Variants in TOX observed in about 807,000 individuals in gnomAD.
The protein encoded by TOX is thymocyte selection-associated high mobility group box protein TOX.
Under a neutral mutation model 53.7 loss-of-function variants are expected in TOX, and 11 were observed. The observed-to-expected ratio is 0.20, with a 90% CI of 0.13 to 0.34. TOX has a LOEUF of 0.34. Ranked by LOEUF, TOX falls within the 10% of genes least tolerant of loss-of-function variation. The probability of loss-of-function intolerance (pLI) is 1.00; values close to 1 mark genes in which losing one functional copy is unlikely to be tolerated. For synonymous variants in TOX, 225 were observed against 245.3 expected, an observed-to-expected ratio of 0.92 and a Z score of 0.77; for missense variants, 570 against 664.6, an observed-to-expected ratio of 0.86 and a Z score of 1.56.
intron 3 of TOX, among the ~76,000 whole-genome samples, chr8:58,909,844 G>T (rs1811881207): frequency 1.3e-5 from 2 of 152,074 alleles, no homozygotes; most frequent in Non-Finnish European, 2.9e-5. Context: ...TTTTGGTAGA[G>T]ACAGGGTTTG....
chr8:58,908,941 T>C (rs1355161737), intron 3 of TOX, among the ~76,000 whole-genome samples: 1 of 152,208 alleles, frequency 6.6e-6, no homozygotes, highest in Non-Finnish European at 1.5e-5. Flanking sequence ...TTTTCTCTTG[T>C]TTTAATCATT....
chr8:58,868,251 T>C (rs548129506), intron 3 of TOX, among the ~76,000 whole-genome samples: 257 of 152,324 alleles, frequency 1.7e-3, no homozygotes, highest in Non-Finnish European at 2.8e-3. Flanking sequence ...GTGAGTTCAT[T>C]AAACCTCTCT....
At chr8:59,065,979 C>T (rs549901601) in intron 1 of TOX, among the ~76,000 whole-genome samples, 17 of 152,296 alleles carry the variant, frequency 1.1e-4, no homozygotes, top group African/African-American at 4.1e-4. Context: ...ATTCTGAATG[C>T]TGAATTCCTC....
chr8:59,105,264 A>G (rs1315285796), intron 1 of TOX, among the ~76,000 whole-genome samples: 1 of 152,214 alleles, frequency 6.6e-6, no homozygotes, highest in Non-Finnish European at 1.5e-5. Context: ...CCGAAATAGG[A>G]ACTACTTTAA....
intron 5 of TOX, among the ~76,000 whole-genome samples, chr8:58,835,870 C>T (rs1810536885): frequency 6.6e-6 from 1 of 152,088 alleles, no homozygotes; most frequent in Non-Finnish European, 1.5e-5. Flanking sequence ...AAAGTAGACA[C>T]TAAAGAGGCA....
intron 1 of TOX, among the ~76,000 whole-genome samples, chr8:59,078,367 G>A (rs1804331573): frequency 6.6e-6 from 1 of 152,182 alleles, no homozygotes; most frequent in Non-Finnish European, 1.5e-5. Context: ...GAGGGTTTGG[G>A]TCATAGGTGC....
intron 3 of TOX, among the ~76,000 whole-genome samples, chr8:58,898,905 T>C (rs1167529319): frequency 3.3e-5 from 5 of 152,194 alleles, no homozygotes; most frequent in Non-Finnish European, 7.3e-5. Flanking sequence ...TTTGTACAAA[T>C]GTAATCTTGT....
intron 1 of TOX, among the ~76,000 whole-genome samples, chr8:59,057,123 C>T (rs1319869585): frequency 6.6e-6 from 1 of 152,158 alleles, no homozygotes; most frequent in African/African-American, 2.4e-5. Flanking sequence ...GCTGCTCCAC[C>T]TTCCAAATGC....
intron 1 of TOX, among the ~76,000 whole-genome samples, chr8:59,112,397 C>T (rs1215554541): frequency 6.6e-6 from 1 of 152,160 alleles, no homozygotes; most frequent in Non-Finnish European, 1.5e-5. Flanking sequence ...TCAGAAATTG[C>T]TCTTTGGGAT....
intron 1 of TOX, among the ~76,000 whole-genome samples, chr8:59,098,516 C>T (rs1033670671): frequency 4.0e-5 from 6 of 151,774 alleles, no homozygotes; most frequent in African/African-American, 9.7e-5. Context: ...AAGATGGAGC[C>T]GGCTGACAGA....
rs1180203577 is a variant in TOX at position 58,815,402 on chromosome 8, T to G, written c.1328A>C (p.Gln443Pro). 4 of 1,613,798 alleles carry G rather than the reference T, an allele frequency of 2.5e-6. No homozygotes were observed. The highest frequency in any genetic ancestry group is 3.4e-6 in the Non-Finnish European group (4 of 1,179,882). Residue 443 changes from glutamine (Q) to proline (P), a missense_variant, in exon 7 of 9, where the codon CAG (glutamine) becomes CCG (proline). By Grantham distance (76) the Gln-to-Pro change is moderately conservative. This residue lies in a region of TOX where 239 missense variants were observed against 250.7 expected (regional missense o/e 0.95). Coordinates refer to ENST00000361421, the MANE Select transcript of TOX (RefSeq NM_014729.3). Reference protein sequence around the residue: ...MQQHQPLTMQQPLGNQLPMQV... With the variant: ...MQQHQPLTMQPPLGNQLPMQV... The stretch of plus-strand genomic sequence containing the variant: ...CATGGGGAGCTGGTTCCCAAGGGGC[T>G]GCTGCATGGTGAGCGGCTGGTGCTG...
intron 6 of TOX, among the ~76,000 whole-genome samples, chr8:58,819,773 A>G (rs941156204): frequency 6.6e-6 from 1 of 152,264 alleles, no homozygotes; most frequent in African/African-American, 2.4e-5. Flanking sequence ...ATAGCAAAGT[A>G]TAAATACAAT....
At chr8:58,898,896 T>C (rs1811691745) in intron 3 of TOX, among the ~76,000 whole-genome samples, 1 of 152,182 alleles carries the variant, frequency 6.6e-6, no homozygotes, top group Admixed American at 6.5e-5. Context: ...ACGGAGGTGT[T>C]TGTACAAATG....
At chr8:59,008,720 C>T (rs1392075467) in intron 1 of TOX, among the ~76,000 whole-genome samples, 1 of 152,198 alleles carries the variant, frequency 6.6e-6, no homozygotes, top group Non-Finnish European at 1.5e-5. Context: ...TCCTCAATGG[C>T]TGCTGGATTT....
At chr8:58,955,351 C>T (rs185667900) in intron 2 of TOX, among the ~76,000 whole-genome samples, 2 of 151,570 alleles carry the variant, frequency 1.3e-5, no homozygotes, top group East Asian at 1.9e-4. Flanking sequence ...AAGGGATAAC[C>T]GTTCACGGAA....
intron 1 of TOX, among the ~76,000 whole-genome samples, chr8:59,026,372 G>A (rs779376032): frequency 2.0e-5 from 3 of 152,078 alleles, no homozygotes; most frequent in Non-Finnish European, 4.4e-5. Flanking sequence ...ATAGAAGAAT[G>A]GAACTTGGTG....
intron 1 of TOX, among the ~76,000 whole-genome samples, chr8:58,963,352 T>C (rs914202203): frequency 3.9e-5 from 6 of 152,246 alleles, no homozygotes; most frequent in East Asian, 1.9e-4. Context: ...GGTAGATAGA[T>C]AGACAGACAG....
At chr8:59,054,695 A>G (rs1235829315) in intron 1 of TOX, among the ~76,000 whole-genome samples, 1 of 151,936 alleles carries the variant, frequency 6.6e-6, no homozygotes, top group Non-Finnish European at 1.5e-5. Flanking sequence ...AACCAAATAC[A>G]TTCCTCTAAA....
chr8:59,080,895 T>C (rs1355659936), intron 1 of TOX, among the ~76,000 whole-genome samples: 1 of 152,202 alleles, frequency 6.6e-6, no homozygotes, highest in Non-Finnish European at 1.5e-5. Flanking sequence ...CTCAGGTATT[T>C]CTTTACAACA....
Sources: allele counts gnomAD v4.1 joint callset (sites outside exome capture counted in the v4.1 genomes callset), GRCh38; gene constraint gnomAD v4.1.1; regional missense constraint gnomAD v4.1.1; transcripts MANE v1.5; gene names NCBI Gene and HGNC (gene_info 2026-07-23, HGNC 2026-07-21).